ZBTB24: variants seen among roughly 807,000 people sequenced by gnomAD.
ZBTB24 encodes the protein zinc finger and BTB domain-containing protein 24.
Under a neutral mutation model 53.8 loss-of-function variants are expected in ZBTB24, and 32 were observed. The ratio of observed to expected loss-of-function variants is 0.60; its 90% confidence interval spans 0.45 to 0.80. The LOEUF is 0.80. Among genes scored for constraint, ZBTB24 ranks in the 30% least tolerant of loss-of-function variants. The pLI, the probability that ZBTB24 is intolerant of heterozygous loss-of-function variation, is 0.00. For synonymous variants in ZBTB24, 297 were observed against 306.7 expected (o/e 0.97, Z 0.33); for missense variants, 722 against 837.1 (o/e 0.86, Z 1.70).
At position 109,466,027 on chromosome 6, in the gene ZBTB24, G is replaced by A; in HGVS notation, c.1918C>T (p.Leu640=). The A allele has an allele frequency of 6.2e-7, 1 of 1,614,250 alleles. No homozygotes were observed. The highest frequency in any genetic ancestry group is 8.5e-7 in the Non-Finnish European group (1 of 1,180,048). ...AGATGTTCCAGTGTTTCCTTGGACA[G>A]AGTGATCACGTGCACTGGCTCTGTT... ...SQTEPVHVIT[L]SKETLEHLHA... The change falls in exon 7 of 7, where the codon CTG becomes TTG. Residue 640 remains leucine (L), a synonymous_variant. Coordinates refer to ENST00000230122, the MANE Select transcript of ZBTB24 (RefSeq NM_014797.3).
chr6:109,473,405 G>C (rs1455916105), intron 5 of ZBTB24, among the ~76,000 whole-genome samples: 1 of 152,048 alleles, frequency 6.6e-6, no homozygotes, highest in Non-Finnish European at 1.5e-5. Flanking sequence ...TGCCTAGAAT[G>C]CTCTCTCCTG....
rs1442556387 is a variant in ZBTB24 at position 109,476,757 on chromosome 6, C to T, written c.1120+6G>A. The T allele has an allele frequency of 6.2e-7, 1 of 1,612,366 alleles. No homozygotes were observed. On this transcript the variant is annotated splice_donor_region_variant and intron_variant, in intron 3 of 6. Transcript: ENST00000230122. Reference sequence around the variant, plus strand: ...TGAAGCTGGCCCTCTGGGCAAGCCCCACTACCTGAGTGCAGGCTCATGTGC... The same window carrying T: ...TGAAGCTGGCCCTCTGGGCAAGCCCTACTACCTGAGTGCAGGCTCATGTGC...
chr6:109,474,664 G>T (rs1324193268), intron 5 of ZBTB24, among the ~76,000 whole-genome samples: 2 of 151,710 alleles, frequency 1.3e-5, no homozygotes, highest in African/African-American at 4.9e-5. Flanking sequence ...AACCCGGGAG[G>T]CAGAGGTTGC....
chr6:109,466,319 A>C lies in ZBTB24; in HGVS notation c.1626T>G (p.Tyr542Ter). 1 of 1,614,230 alleles carries C rather than the reference A, an allele frequency of 6.2e-7. No individual in the cohort carries two copies. The highest frequency in any genetic ancestry group is 8.5e-7 in the Non-Finnish European group (1 of 1,180,042). The change falls in exon 7 of 7, where the codon TAT becomes TAG. Residue 542 changes from tyrosine to a stop codon, truncating the protein, a stop_gained. Transcript: ENST00000230122. LOFTEE classifies it high-confidence loss of function. The part of the protein sequence containing the change: ...EVRNILQLQP[Y>*]QLSTSGEQEI... ...CCTGCTCTCCCGAGGTAGAGAGTTG[A>C]TATGGCTGTAGCTGAAGAATATTCC... is the stretch of plus-strand genomic sequence containing the variant.
In ZBTB24 at chr6:109,466,380, C is replaced by T. The variant is rs1418973368; in HGVS notation, c.1565G>A (p.Ser522Asn). The change falls in exon 7 of 7, where the codon AGC becomes AAC. Residue 522 changes from serine (S) to asparagine (N), a missense_variant. Ser to Asn is a conservative substitution (Grantham distance 46). Coordinates refer to ENST00000230122, the MANE Select transcript of ZBTB24 (RefSeq NM_014797.3). Reference sequence around the variant, plus strand: ...TGTATTACTACTGCCAGAAATGCTGCTGGCATCTGAAGCATGCTTCTCCTT... The same window carrying T: ...TGTATTACTACTGCCAGAAATGCTGTTGGCATCTGAAGCATGCTTCTCCTT... ...HSKEKHASDA[S>N]SISGSSNTEE... 5 of 1,614,068 alleles carry T rather than the reference C, an allele frequency of 3.1e-6. No individual in the cohort carries two copies. Among genetic ancestry groups the T allele is most frequent in the Admixed American group, 1.7e-5 (1 of 60,006 alleles).
intron 5 of ZBTB24, among the ~76,000 whole-genome samples, chr6:109,469,549 G>A (rs1293725509): frequency 6.6e-6 from 1 of 152,158 alleles, no homozygotes; most frequent in Non-Finnish European, 1.5e-5. Flanking sequence ...AGTGGTTTCT[G>A]ATCTGTTCCC....
Position 109,481,106 on chromosome 6 carries a change from G to C in ZBTB24, c.921C>G (p.His307Gln), listed in dbSNP as rs1318742339. 1 of 1,614,048 alleles carries C rather than the reference G, an allele frequency of 6.2e-7. No homozygotes were observed. The highest frequency in any genetic ancestry group is 8.5e-7 in the Non-Finnish European group (1 of 1,180,040). ...GGCTCCTCTGGTGGATTGCTAAAAA[G>C]TGATTGTACTTAAAGACCTTGCCAC... ...KDCGKVFKYN[H>Q]FLAIHQRSHT... is the part of the protein sequence containing the mutation. The change falls in exon 2 of 7, where the codon CAC (histidine) becomes CAG (glutamine). Residue 307 changes from histidine to glutamine, a missense_variant. Coordinates refer to ENST00000230122, the MANE Select transcript of ZBTB24 (RefSeq NM_014797.3).
chr6:109,482,170 T>C, intron 1 of ZBTB24, 116 bp from the exon 2 acceptor site: 1 of 835,094 alleles, frequency 1.2e-6, no homozygotes, highest in Non-Finnish European at 2.0e-6. Flanking sequence ...CATTACCATT[T>C]TTGTCTGTCT....
intron 2 of ZBTB24, among the ~76,000 whole-genome samples, chr6:109,478,482 T>C (rs941236227): frequency 2.6e-5 from 4 of 152,118 alleles, no homozygotes; most frequent in Admixed American, 6.6e-5. Context: ...CCACGAGAAA[T>C]AGCAGCCTGA....
In ZBTB24 at chr6:109,481,322, T is replaced by G; in HGVS notation, c.705A>C (p.Lys235Asn). 6.2e-7 allele frequency: 1 copy of G among 1,614,200 alleles called. No homozygotes were observed. Residue 235 changes from lysine to asparagine, a missense_variant, in exon 2 of 7, where the codon AAA becomes AAC. Physicochemically the swap from Lys to Asn is moderately conservative, Grantham distance 94. Transcript: ENST00000230122. ...PSREEEMPVE[K>N]DENYDPKTED... Reference sequence around the variant, plus strand: ...CGGTCTTGGGATCATAGTTCTCATCTTTTTCAACTGGCATTTCCTCCTCTC... The same window carrying G: ...CGGTCTTGGGATCATAGTTCTCATCGTTTTCAACTGGCATTTCCTCCTCTC...
Position 109,481,550 on chromosome 6 carries a change from C to T in ZBTB24, c.477G>A (p.Lys159=), listed in dbSNP as rs142900743. 10 of 1,614,216 alleles carry T rather than the reference C, an allele frequency of 6.2e-6. No individual in the cohort carries two copies. The African/African-American group carries it at 1.3e-4, about 22-fold the overall frequency. ...VISNKKNDPP[K]RKRGRPKKVN... is the part of the protein sequence containing the mutation. ...CTTTTTTTGGTCTTCCCCGTTTCCG[C>T]TTTGGAGGATCGTTTTTCTTATTAG... Residue 159 remains lysine (K), a synonymous_variant, in exon 2 of 7, where the codon AAG becomes AAA. Coordinates refer to ENST00000230122, the MANE Select transcript of ZBTB24 (RefSeq NM_014797.3).
chr6:109,479,453 G>A (rs962980716), intron 2 of ZBTB24, among the ~76,000 whole-genome samples: 11 of 152,178 alleles, frequency 7.2e-5, no homozygotes, highest in African/African-American at 2.4e-4. Flanking sequence ...AGAATTCAAA[G>A]TACAGTTTCT....
In ZBTB24 at chr6:109,473,091, C is replaced by A. The variant is rs138615795; in HGVS notation, c.1288+2308G>T. ...CATCTCCCTCAGAATAAAATCCAATCTTTACTGTGGCCTTCAAAGTACTTC... is the reference window on the plus strand; with the variant it reads ...CATCTCCCTCAGAATAAAATCCAATATTTACTGTGGCCTTCAAAGTACTTC... On this transcript the variant is annotated intron_variant, in intron 5 of 6. Coordinates refer to ENST00000230122, the MANE Select transcript of ZBTB24 (RefSeq NM_014797.3). Among the ~76,000 whole-genome samples the A allele has an allele frequency of 3.3e-5, 5 of 152,310 alleles. No homozygotes were observed. In the East Asian group the frequency reaches 9.6e-4, roughly 29 times the overall value.
intron 5 of ZBTB24, among the ~76,000 whole-genome samples, chr6:109,470,052 AG>A (rs1056724861): frequency 4.6e-5 from 7 of 152,178 alleles, no homozygotes; most frequent in African/African-American, 1.7e-4. Context: ...GGCTAGAGGC[AG>A]GAGGACCTCT....
chr6:109,472,063 ATCTAAGAGATGAATGACAGCTCATC>A (rs1218952913), intron 5 of ZBTB24, among the ~76,000 whole-genome samples: 3 of 152,096 alleles, frequency 2.0e-5, no homozygotes, highest in African/African-American at 7.2e-5. Context: ...GTGCCTAAAG[ATCTAAGAGATGAATGACAGCTCATC>A]TCTAAGAGAT....
chr6:109,474,496 G>T (rs58630019), intron 5 of ZBTB24, among the ~76,000 whole-genome samples: 11,485 of 152,204 alleles, frequency 0.075, 878 homozygotes, highest in African/African-American at 0.2. Flanking sequence ...ACTTTGGGAG[G>T]CCAAGGTGGG....
rs780371205 is a variant in ZBTB24 at position 109,481,525 on chromosome 6, CT to C, written c.501del (p.Val168SerfsTer19). ...GATTTCTCCTCCTGCAATGTATTGACTTTTTTTGGTCTTCCCCGTTTCCGCT... is the reference window on the plus strand; with the variant it reads ...GATTTCTCCTCCTGCAATGTATTGACTTTTTTGGTCTTCCCCGTTTCCGCT... ...PPKRKRGRPK[K>X]VNTLQEEKSE... is the part of the protein sequence containing the mutation. On this transcript the variant is annotated frameshift_variant, in exon 2 of 7. Transcript: ENST00000230122. LOFTEE classifies it high-confidence loss of function. 1 of 1,614,020 alleles carries C rather than the reference CT, an allele frequency of 6.2e-7. No individual in the cohort carries two copies. Among genetic ancestry groups the C allele is most frequent in the Non-Finnish European group, 8.5e-7 (1 of 1,180,034 alleles).
intron 6 of ZBTB24, among the ~76,000 whole-genome samples, chr6:109,467,238 A>G (rs1469026799): frequency 3.9e-5 from 6 of 152,156 alleles, no homozygotes; most frequent in Non-Finnish European, 8.8e-5. Flanking sequence ...ATAAAACAAA[A>G]TAGGCCAGGT....
chr6:109,478,387 G>A (rs1776323702), intron 2 of ZBTB24, among the ~76,000 whole-genome samples: 1 of 152,178 alleles, frequency 6.6e-6, no homozygotes, highest in East Asian at 1.9e-4. Flanking sequence ...TTGGTCTGGC[G>A]ATAATTTCCA....
Sources: gnomAD v4.1 joint callset for allele counts (sites outside exome capture counted in the v4.1 genomes callset) on GRCh38, gnomAD v4.1.1 for gene constraint, MANE v1.5 for transcripts, NCBI Gene and HGNC (gene_info 2026-07-23, HGNC 2026-07-21) for gene names.